TBC1D2: variants seen among roughly 807,000 people sequenced by gnomAD.
TBC1D2 encodes TBC1 domain family member 2A.
A neutral mutation model predicts 91.1 loss-of-function variants in TBC1D2; 58 were observed. The observed-to-expected ratio is 0.64, with a 90% CI of 0.52 to 0.79. The LOEUF (loss-of-function observed/expected upper bound fraction) is 0.79. TBC1D2 is among the 30% of genes least tolerant of loss of function. The pLI is 0.00. For missense variants in TBC1D2, 1,080 were observed against 1,208.3 expected (o/e 0.89, Z 1.57); for synonymous variants, 482 against 511.5 (o/e 0.94, Z 0.78).
intron 5 of TBC1D2, among the ~76,000 whole-genome samples, chr9:98,225,614 CT>C (rs1258587139): frequency 1.3e-5 from 2 of 152,208 alleles, no homozygotes; most frequent in Non-Finnish European, 2.9e-5. Context: ...GGCTTAGCCC[CT>C]GGGAGACCCT....
At chr9:98,247,827 A>T (rs571682487) in intron 2 of TBC1D2, among the ~76,000 whole-genome samples, 12 of 152,298 alleles carry the variant, frequency 7.9e-5, no homozygotes, top group African/African-American at 2.9e-4. Context: ...TTCGAAAAAA[A>T]TAAAATTTTT....
chr9:98,249,485 C>A (rs1338609128), intron 2 of TBC1D2, among the ~76,000 whole-genome samples: 1 of 152,212 alleles, frequency 6.6e-6, no homozygotes. Flanking sequence ...CACAGGAATT[C>A]TATTATTGCA....
In TBC1D2 at chr9:98,220,899, A is replaced by C; in HGVS notation, c.1308T>G (p.Ser436=). 1 of 1,614,072 alleles carries C rather than the reference A, an allele frequency of 6.2e-7. No homozygotes were observed. The highest frequency in any genetic ancestry group is 8.5e-7 in the Non-Finnish European group (1 of 1,179,990). ...TGTTGGCAGCGTCGGGGCGCAAAGG[A>C]GACTGGTCAGGGGGGTGCGTGAAGT... ...TQDFTHPPDQ[S]PLRPDAANRD... is the part of the protein sequence containing the mutation. Residue 436 remains serine, a synonymous_variant, in exon 6 of 13, where the codon TCT becomes TCG. Coordinates refer to ENST00000465784, the MANE Select transcript of TBC1D2 (RefSeq NM_001267571.2).
rs1828416236 is a variant in TBC1D2 at position 98,199,290 on chromosome 9, C to G, written c.*91G>C. 5 of 1,403,088 alleles carry G rather than the reference C, an allele frequency of 3.6e-6. No individual in the cohort carries two copies. The highest frequency in any genetic ancestry group is 5.0e-6 in the Non-Finnish European group (5 of 1,005,874). 86.9% of individuals were successfully genotyped at this position (1,403,088 alleles called of 1,614,324 possible). A position where few individuals can be genotyped will look rare whatever the true frequency, so the allele number is the denominator to read the frequency against. ...TGTCCAAGGTCACATGGTGATGGGA[C>G]ACCCAGGGCTGGGCCACTGGTCCGT... On this transcript the variant is annotated 3_prime_UTR_variant, in exon 13 of 13. Transcript: ENST00000465784.
At chr9:98,255,111 C>G (rs1829945085) in intron 1 of TBC1D2, 62 bp downstream of exon 1, 3 of 1,550,196 alleles carry the variant, frequency 1.9e-6, no homozygotes, top group Non-Finnish European at 2.6e-6. Context: ...CGCGCCCAGC[C>G]TTGCCCTGCG....
At chr9:98,247,728 C>CAAAAAAAAAAAAAAAA (rs58713846) in intron 2 of TBC1D2, among the ~76,000 whole-genome samples, 10 of 70,850 alleles carry the variant, frequency 1.4e-4, no homozygotes, top group Non-Finnish European at 2.4e-4. Flanking sequence ...GACTCCGTCT[C>CAAAAAAAAAAAAAAAA]AAAAAAAAAA....
intron 5 of TBC1D2, among the ~76,000 whole-genome samples, chr9:98,227,835 G>A (rs1346285395): frequency 6.6e-6 from 1 of 151,766 alleles, no homozygotes; most frequent in Non-Finnish European, 1.5e-5. Context: ...AGCCTCTGCC[G>A]GTTCCCCTGA....
In TBC1D2 at chr9:98,233,463, T is replaced by G; in HGVS notation, c.734A>C (p.Glu245Ala). The G allele has an allele frequency of 6.2e-7, 1 of 1,614,158 alleles. No individual in the cohort carries two copies. Among genetic ancestry groups the G allele is most frequent in the Non-Finnish European group, 8.5e-7 (1 of 1,180,008 alleles). ...PPGEDSPQSG[E>A]PQREEQPLAS... ...CAAGGGCTGCTCCTCCCTCTGAGGCTCCCCACTCTGTGGAGAATCTTCCCC... is the reference window on the plus strand; with the variant it reads ...CAAGGGCTGCTCCTCCCTCTGAGGCGCCCCACTCTGTGGAGAATCTTCCCC... Residue 245 changes from glutamate (E) to alanine (A), a missense_variant, in exon 4 of 13, where the codon GAG becomes GCG. Physicochemically the swap from Glu to Ala is moderately radical, Grantham distance 107 (BLOSUM62 -1). Coordinates refer to ENST00000465784, the MANE Select transcript of TBC1D2 (RefSeq NM_001267571.2).
intron 6 of TBC1D2, chr9:98,213,557 CTAAG>C (rs575607877): frequency 1.1e-3 from 363 of 335,710 alleles, no homozygotes; most frequent in Non-Finnish European, 1.6e-3. Context: ...AGTTGGGAAA[CTAAG>C]TGAGATAATG....
At chr9:98,213,870 T>A (rs963884163) in intron 6 of TBC1D2, among the ~76,000 whole-genome samples, 2 of 152,130 alleles carry the variant, frequency 1.3e-5, no homozygotes, top group African/African-American at 4.8e-5. Context: ...GTGATAAACA[T>A]CTCTGAGTTT....
intron 12 of TBC1D2, 130 bp from the exon 13 acceptor site, chr9:98,199,718 G>A (rs1828434845): frequency 5.6e-6 from 5 of 888,716 alleles, no homozygotes; most frequent in Non-Finnish European, 9.1e-6. Flanking sequence ...CCCTCAGGAG[G>A]AAACAATGAA....
intron 2 of TBC1D2, among the ~76,000 whole-genome samples, chr9:98,244,659 CAAAAAA>C (rs59871511): frequency 2.1e-5 from 1 of 46,890 alleles, no homozygotes; most frequent in African/African-American, 7.7e-5. Flanking sequence ...AACTCCGTCT[CAAAAAA>C]AAAAAAAAAA....
intron 8 of TBC1D2, 54 bp downstream of exon 8, chr9:98,210,602 G>A: frequency 6.8e-7 from 1 of 1,472,550 alleles, no homozygotes; most frequent in Non-Finnish European, 9.0e-7. Context: ...CAAGGCAGCT[G>A]GGGAGGAGCC....
At chr9:98,223,032 G>GGCC (rs1476370291) in intron 5 of TBC1D2, among the ~76,000 whole-genome samples, 2 of 152,212 alleles carry the variant, frequency 1.3e-5, no homozygotes, top group Admixed American at 1.3e-4. Context: ...CAGGTGCCGT[G>GGCC]GCCCAGAGAG....
At chr9:98,225,531 G>A (rs754570100) in intron 5 of TBC1D2, among the ~76,000 whole-genome samples, 13 of 152,142 alleles carry the variant, frequency 8.5e-5, no homozygotes, top group Non-Finnish European at 1.3e-4. Flanking sequence ...AGGAGGTTAG[G>A]GCCCCAATCC....
At chr9:98,200,530 G>A (rs1258523666) in intron 11 of TBC1D2, among the ~76,000 whole-genome samples, 156 bp from the exon 12 acceptor site, 1 of 151,334 alleles carries the variant, frequency 6.6e-6, no homozygotes, top group African/African-American at 2.4e-5. Context: ...AGGCTCCAGG[G>A]GGCTGGGGGA....
intron 3 of TBC1D2, among the ~76,000 whole-genome samples, chr9:98,239,939 G>C (rs1829595652): frequency 6.6e-6 from 1 of 152,098 alleles, no homozygotes; most frequent in African/African-American, 2.4e-5. Flanking sequence ...TTTCATCTAA[G>C]TTATCAAATT....
intron 6 of TBC1D2, among the ~76,000 whole-genome samples, chr9:98,220,156 C>T (rs992138600): frequency 6.6e-6 from 1 of 152,166 alleles, no homozygotes; most frequent in East Asian, 1.9e-4. Context: ...CAGACCAGAC[C>T]GCAGACATGA....
At chr9:98,225,504 G>C (rs751982645) in intron 5 of TBC1D2, among the ~76,000 whole-genome samples, 3 of 152,194 alleles carry the variant, frequency 2.0e-5, no homozygotes, top group Non-Finnish European at 2.9e-5. Flanking sequence ...AGGCAGCCCA[G>C]CCTCTAGACT....
Sources: gnomAD v4.1 joint callset for allele counts (sites outside exome capture counted in the v4.1 genomes callset) on GRCh38, gnomAD v4.1.1 for gene constraint, MANE v1.5 for transcripts, NCBI Gene and HGNC (gene_info 2026-07-23, HGNC 2026-07-21) for gene names.